The following TAOK1 variants were observed in gnomAD, a reference collection of about 807,000 sequenced individuals.
The protein encoded by TAOK1 is serine/threonine-protein kinase TAO1.
In TAOK1, 21 loss-of-function variants were observed where a neutral mutation model predicts 138.3. That is an observed-to-expected ratio of 0.15 (90% CI 0.11 to 0.22). The LOEUF is 0.22. TAOK1 is among the 10% of genes least tolerant of loss of function. The pLI, the probability that TAOK1 is intolerant of heterozygous loss-of-function variation, is 1.00. For missense variants in TAOK1, 651 were observed against 1,227.7 expected, an observed-to-expected ratio of 0.53 and a Z score of 7.02; for synonymous variants, 361 against 398.4, an observed-to-expected ratio of 0.91 and a Z score of 1.12.
chr17:29,427,225 GAGA>G (rs1333489035), intron 1 of TAOK1, among the ~76,000 whole-genome samples: 2 of 152,162 alleles, frequency 1.3e-5, no homozygotes, highest in African/African-American at 4.8e-5. Flanking sequence ...ACTTAACCTG[GAGA>G]AGATTATATA....
intron 3 of TAOK1, among the ~76,000 whole-genome samples, chr17:29,467,508 G>A (rs1042595239): frequency 3.3e-5 from 5 of 152,094 alleles, no homozygotes; most frequent in Admixed American, 6.6e-5. Context: ...TCCTGACCTC[G>A]TGATCTGCCC....
In TAOK1 at chr17:29,523,750, C is replaced by G. The variant is rs181441654; in HGVS notation, c.2148+1231C>G. On this transcript the variant is annotated intron_variant, in intron 17 of 19. Transcript: ENST00000261716. ...ATCGATGATAAGCACCTCAATTGCT[C>G]TGTACATATCTGTACATTTAAAACT... Among the ~76,000 whole-genome samples the G allele has an allele frequency of 2.1e-3, 314 of 152,272 alleles. 1 individual carries two copies. The highest frequency in any genetic ancestry group is 7.3e-3 in the African/African-American group (302 of 41,558).
chr17:29,408,995 G>T (rs1862819372), intron 1 of TAOK1, among the ~76,000 whole-genome samples: 1 of 152,054 alleles, frequency 6.6e-6, no homozygotes, highest in South Asian at 2.1e-4. Flanking sequence ...TTACAGGCAT[G>T]AGCCATCACA....
At chr17:29,444,284 A>C (rs1277798868) in intron 1 of TAOK1, among the ~76,000 whole-genome samples, 1 of 152,194 alleles carries the variant, frequency 6.6e-6, no homozygotes, top group Non-Finnish European at 1.5e-5. Context: ...ACAGCTATTA[A>C]AAATGAACAA....
At chr17:29,440,995 T>G (rs566532088) in intron 1 of TAOK1, among the ~76,000 whole-genome samples, 1 of 152,364 alleles carries the variant, frequency 6.6e-6, no homozygotes, top group South Asian at 2.1e-4. Context: ...CATTGATTTC[T>G]TTTCATATGT....
At chr17:29,439,199 CT>C (rs34102989) in intron 1 of TAOK1, among the ~76,000 whole-genome samples, 79,106 of 130,528 alleles carry the variant, frequency 0.61, 24,107 homozygotes, top group East Asian at 0.96. Context: ...TAATTTCTTT[CT>C]TTTTTTTTTT....
At chr17:29,428,186 TA>T (rs1056730240) in intron 1 of TAOK1, among the ~76,000 whole-genome samples, 4 of 152,018 alleles carry the variant, frequency 2.6e-5, no homozygotes, top group African/African-American at 9.7e-5. Flanking sequence ...AGAGGAGAGG[TA>T]ATATCTCAAA....
chr17:29,508,214 C>A, intron 14 of TAOK1, 82 bp downstream of exon 14: 1 of 1,224,936 alleles, frequency 8.2e-7, no homozygotes, highest in Non-Finnish European at 1.2e-6. Context: ...TTGATGTTAG[C>A]GTATCTGTTC....
At chr17:29,532,485 A>T (rs1219459308) in intron 18 of TAOK1, among the ~76,000 whole-genome samples, 6 of 151,624 alleles carry the variant, frequency 4.0e-5, no homozygotes, top group African/African-American at 1.5e-4. Context: ...TAGGCAGAGG[A>T]CCCTTCGGCC....
intron 2 of TAOK1, among the ~76,000 whole-genome samples, chr17:29,463,519 C>T (rs1292054256): frequency 2.7e-5 from 4 of 150,152 alleles, no homozygotes; most frequent in East Asian, 2.0e-4. Context: ...TGCAGTGAGC[C>T]GAGATTGCGC....
chr17:29,401,930 G>A (rs182031099), intron 1 of TAOK1, among the ~76,000 whole-genome samples: 8 of 152,254 alleles, frequency 5.3e-5, no homozygotes, highest in African/African-American at 1.7e-4. Context: ...AATTATAAGC[G>A]TGAGCCACTG....
chr17:29,542,605 A>G lies in TAOK1; in HGVS notation c.2589A>G (p.Arg863=). 1 of 1,614,118 alleles carries G rather than the reference A, an allele frequency of 6.2e-7. No homozygotes were observed. The highest frequency in any genetic ancestry group is 1.1e-5 in the South Asian group (1 of 91,082). The change falls in exon 20 of 20, where the codon CGA becomes CGG. Residue 863 remains arginine, a synonymous_variant. Coordinates refer to ENST00000261716, the MANE Select transcript of TAOK1 (RefSeq NM_020791.4). ...MLALQNERTE[R]IRSLLERQAR... is the part of the protein sequence containing the mutation. The stretch of plus-strand genomic sequence containing the variant: ...CTTTGCAGAATGAGCGCACAGAACG[A>G]ATACGAAGCCTGTTGGAACGTCAAG...
At chr17:29,436,063 G>A (rs1906020988) in intron 1 of TAOK1, among the ~76,000 whole-genome samples, 1 of 152,340 alleles carries the variant, frequency 6.6e-6, no homozygotes, top group Admixed American at 6.5e-5. Flanking sequence ...CCGGGAGGCA[G>A]AGGTTGCATT....
chr17:29,446,418 T>A (rs1231772713), intron 1 of TAOK1, among the ~76,000 whole-genome samples: 1 of 152,128 alleles, frequency 6.6e-6, no homozygotes. Flanking sequence ...GTTTTTTGTG[T>A]TTTTAGTAGA....
At chr17:29,410,554 A>G (rs539834700) in intron 1 of TAOK1, among the ~76,000 whole-genome samples, 4 of 148,596 alleles carry the variant, frequency 2.7e-5, no homozygotes, top group South Asian at 4.3e-4. Context: ...CAACTGGCCT[A>G]TATGTATAGA....
intron 13 of TAOK1, among the ~76,000 whole-genome samples, chr17:29,505,021 G>T (rs1490720116): frequency 6.6e-6 from 1 of 152,082 alleles, no homozygotes; most frequent in Non-Finnish European, 1.5e-5. Context: ...CCAAAGTTTG[G>T]CTTCCTCAAA....
intron 1 of TAOK1, among the ~76,000 whole-genome samples, chr17:29,430,117 G>A (rs1905778153): frequency 6.6e-6 from 1 of 152,128 alleles, no homozygotes; most frequent in Non-Finnish European, 1.5e-5. Flanking sequence ...GGTTCTTGGC[G>A]TTTTGGACAA....
At chr17:29,532,638 G>GT (rs541899957) in intron 18 of TAOK1, among the ~76,000 whole-genome samples, 2 of 152,278 alleles carry the variant, frequency 1.3e-5, no homozygotes, top group South Asian at 2.1e-4. Context: ...CACAACACAT[G>GT]TTTCGGAGAG....
intron 1 of TAOK1, among the ~76,000 whole-genome samples, chr17:29,427,358 G>T (rs2153022313): frequency 6.6e-6 from 1 of 152,048 alleles, no homozygotes; most frequent in African/African-American, 2.4e-5. Context: ...ACTTTGGGAG[G>T]CTAAGGCGGG....
Sources: gnomAD v4.1 joint callset for allele counts (sites outside exome capture counted in the v4.1 genomes callset) on GRCh38, gnomAD v4.1.1 for gene constraint, MANE v1.5 for transcripts, NCBI Gene and HGNC (gene_info 2026-07-23, HGNC 2026-07-21) for gene names.